The following GRAP2 variants were observed in gnomAD, a reference collection of about 807,000 sequenced individuals.
GRAP2 encodes the protein GRB2-related adapter protein 2.
GRAP2 carries 31 observed loss-of-function variants against 43.5 expected under a neutral mutation model. The ratio of observed to expected loss-of-function variants is 0.71; its 90% CI spans 0.54 to 0.96. The LOEUF is 0.96. GRAP2 is among the 40% of genes least tolerant of loss of function. The pLI is 0.00. For synonymous variants in GRAP2, 156 were observed against 164.8 expected (o/e 0.95, Z 0.41); for missense variants, 371 against 424.4 (o/e 0.87, Z 1.11).
intron 1 of GRAP2, among the ~76,000 whole-genome samples, chr22:39,931,853 T>C (rs1223717231): frequency 6.6e-6 from 1 of 152,180 alleles, no homozygotes; most frequent in Non-Finnish European, 1.5e-5. Context: ...CACACAGTAT[T>C]CCATAATATA....
chr22:39,905,519 G>T (rs2066517499), intron 1 of GRAP2, among the ~76,000 whole-genome samples: 1 of 152,084 alleles, frequency 6.6e-6, no homozygotes, highest in African/African-American at 2.4e-5. Flanking sequence ...TATAAAATGG[G>T]ATTACTAATG....
the GRAP2 span, among the ~76,000 whole-genome samples, chr22:39,894,728 T>G: frequency 2.6e-5 from 4 of 152,330 alleles, no homozygotes; most frequent in East Asian, 7.7e-4. Flanking sequence ...GCACCCACTT[T>G]GTGCCAGACA....
intron 1 of GRAP2, among the ~76,000 whole-genome samples, chr22:39,944,892 A>T (rs1030602733): frequency 1.3e-5 from 2 of 152,194 alleles, no homozygotes; most frequent in Non-Finnish European, 2.9e-5. Context: ...TATTAAGGTG[A>T]ATTTGCATAC....
chr22:39,928,486 G>A (rs1346109933), intron 1 of GRAP2, among the ~76,000 whole-genome samples: 2 of 152,146 alleles, frequency 1.3e-5, no homozygotes, highest in African/African-American at 2.4e-5. Context: ...TAAGGAACGT[G>A]CCCAACTTAT....
chr22:39,917,452 A>G (rs535739719), intron 1 of GRAP2, among the ~76,000 whole-genome samples: 42 of 152,330 alleles, frequency 2.8e-4, no homozygotes, highest in African/African-American at 9.4e-4. Flanking sequence ...TCACTGAGTT[A>G]AAAAGGCAAA....
Position 39,926,679 on chromosome 22 carries a change from C to T in GRAP2, c.-14-20414C>T, listed in dbSNP as rs1005557360. 4 of 985,040 alleles carry T rather than the reference C, an allele frequency of 4.1e-6. No individual in the cohort carries two copies. The Admixed American group carries it at 1.8e-4, about 45-fold the overall frequency. 61.0% of individuals were successfully genotyped at this position (985,040 alleles called of 1,614,324 possible). A position where few individuals can be genotyped will look rare whatever the true frequency, so the allele number is the denominator to read the frequency against. On this transcript the variant is annotated intron_variant, in intron 1 of 7. Coordinates refer to ENST00000344138, the MANE Select transcript of GRAP2 (RefSeq NM_004810.4). ...GCTCTCAGGAGCTGTTTGGAAAATT[C>T]GTTGCCATGCATGAGTCGGGGGATT...
intron 1 of GRAP2, among the ~76,000 whole-genome samples, chr22:39,931,171 C>T (rs1054721588): frequency 3.9e-5 from 6 of 152,170 alleles, no homozygotes; most frequent in Non-Finnish European, 7.3e-5. Flanking sequence ...TGAACGAATA[C>T]ACAAAGCATA....
chr22:39,962,350 G>A (rs893507449), intron 4 of GRAP2, among the ~76,000 whole-genome samples: 6 of 152,042 alleles, frequency 3.9e-5, no homozygotes, highest in Non-Finnish European at 5.9e-5. Flanking sequence ...GGAGCTGGGC[G>A]GTTGAGGTTG....
intron 1 of GRAP2, among the ~76,000 whole-genome samples, chr22:39,930,893 C>T (rs1035684610): frequency 6.6e-6 from 1 of 152,200 alleles, no homozygotes; most frequent in East Asian, 1.9e-4. Context: ...GTCTGCAAGA[C>T]TCAGTTCAAT....
At chr22:39,912,538 G>A (rs1485944054) in intron 1 of GRAP2, among the ~76,000 whole-genome samples, 1 of 152,204 alleles carries the variant, frequency 6.6e-6, no homozygotes, top group Non-Finnish European at 1.5e-5. Context: ...TGCAGGGAGA[G>A]GTCCTACTGG....
chr22:39,925,540 C>T (rs2066689581), intron 1 of GRAP2, among the ~76,000 whole-genome samples: 1 of 152,190 alleles, frequency 6.6e-6, no homozygotes, highest in South Asian at 2.1e-4. Context: ...ACCTCCTCAA[C>T]TTACCAAGAA....
In GRAP2 at chr22:39,905,596, C is replaced by T. The variant is rs9623086; in HGVS notation, c.-15+4266C>T. Among the ~76,000 whole-genome samples, 461 of 152,140 alleles carry T rather than the reference C, an allele frequency of 3.0e-3. 5 individuals carry two copies. The highest frequency in any genetic ancestry group is 5.1e-3 in the Non-Finnish European group (350 of 67,978). On this transcript the variant is annotated intron_variant, in intron 1 of 7. Transcript: ENST00000344138. ...TACATTTAAGGTTCCTAAAACAGTG[C>T]CTGTTATTATTGTTATTTGCCAAGC...
chr22:39,934,492 A>G (rs974073291), intron 1 of GRAP2, among the ~76,000 whole-genome samples: 1 of 152,240 alleles, frequency 6.6e-6, no homozygotes, highest in African/African-American at 2.4e-5. Context: ...TGAAAGATAT[A>G]ACCAGAGGGT....
intron 1 of GRAP2, among the ~76,000 whole-genome samples, chr22:39,943,570 C>A (rs746857044): frequency 6.6e-6 from 1 of 152,072 alleles, no homozygotes; most frequent in Non-Finnish European, 1.5e-5. Context: ...GGGGCTGCTG[C>A]TGGAGGTGGT....
chr22:39,914,365 C>G (rs908994713), intron 1 of GRAP2, among the ~76,000 whole-genome samples: 8 of 152,088 alleles, frequency 5.3e-5, no homozygotes, highest in Non-Finnish European at 1.2e-4. Context: ...TGACCCTCAC[C>G]TAAGAACAAT....
At chr22:39,947,218 G>A in intron 2 of GRAP2, 34 bp downstream of exon 2, 1 of 951,530 alleles carries the variant, frequency 1.1e-6, no homozygotes, top group Non-Finnish European at 1.7e-6. Context: ...GAGCAGTAGG[G>A]AGTTTCAGTT....
chr22:39,968,832 A>C (rs2067206144), intron 6 of GRAP2: 1 of 157,640 alleles, frequency 6.3e-6, no homozygotes, highest in Admixed American at 6.3e-5. Flanking sequence ...CCTCCCTGCC[A>C]ACTCCCCGTG....
chr22:39,939,443 T>C (rs1371098953), intron 1 of GRAP2, among the ~76,000 whole-genome samples: 1 of 149,760 alleles, frequency 6.7e-6, no homozygotes, highest in African/African-American at 2.5e-5. Flanking sequence ...GCGCCTGTAG[T>C]CCCAGCTACT....
chr22:39,919,144 T>C (rs2066628652), intron 1 of GRAP2, among the ~76,000 whole-genome samples: 1 of 151,990 alleles, frequency 6.6e-6, no homozygotes, highest in Non-Finnish European at 1.5e-5. Context: ...TCTAAAGAAA[T>C]AAAAATAAAA....
Sources: allele counts gnomAD v4.1 joint callset (sites outside exome capture counted in the v4.1 genomes callset), GRCh38; gene constraint gnomAD v4.1.1; transcripts MANE v1.5; gene names NCBI Gene and HGNC (gene_info 2026-07-23, HGNC 2026-07-21).